Variants in DPH6 observed in about 807,000 individuals in gnomAD.
DPH6 encodes diphthine--ammonia ligase.
A neutral mutation model predicts 38.2 loss-of-function variants in DPH6; 33 were observed. The ratio of observed to expected loss-of-function variants is 0.86; its 90% CI spans 0.65 to 1.15. The LOEUF (loss-of-function observed/expected upper bound fraction) is 1.15. Among genes scored for constraint, DPH6 ranks in the 50% most tolerant of loss-of-function variants. The pLI is 0.00. For synonymous variants in DPH6, 108 were observed against 103.0 expected, an observed-to-expected ratio of 1.05 and a Z score of -0.30; for missense variants, 325 against 320.0, an observed-to-expected ratio of 1.02 and a Z score of -0.12.
chr15:35,302,718 C>A (rs1258575909), intron 3 of DPH6, among the ~76,000 whole-genome samples: 5 of 151,988 alleles, frequency 3.3e-5, no homozygotes, highest in African/African-American at 1.2e-4. Context: ...CAATTAAACC[C>A]TGTGGTCCCT....
At chr15:35,256,523 A>G (rs907011015) in intron 3 of DPH6, among the ~76,000 whole-genome samples, 3 of 152,258 alleles carry the variant, frequency 2.0e-5, no homozygotes, top group Admixed American at 1.3e-4. Flanking sequence ...GTACTAAAAT[A>G]TAATTTTTTT....
chr15:35,520,749 A>G, intron 3 of DPH6: 1 of 984,868 alleles, frequency 1.0e-6, no homozygotes, highest in Non-Finnish European at 1.2e-6. Flanking sequence ...ACCAAGTAGA[A>G]TATGTACAAT....
Position 35,433,285 on chromosome 15 carries a change from C to G in DPH6, c.505+17400G>C, listed in dbSNP as rs1020890352. 7.2e-5 allele frequency among the ~76,000 whole-genome samples: 11 copies of G among 152,166 alleles called. No homozygotes were observed. In the East Asian group the frequency reaches 2.1e-3, roughly 29 times the overall value. ...GGATGATAGCAATTGATATACACAC[C>G]AACAAGTATAGGCAAGGATACAAAC... On this transcript the variant is annotated intron_variant, in intron 5 of 8. Transcript: ENST00000256538.
At chr15:35,474,306 G>A (rs1265014458) in intron 3 of DPH6, among the ~76,000 whole-genome samples, 2 of 152,114 alleles carry the variant, frequency 1.3e-5, no homozygotes, top group African/African-American at 4.8e-5. Context: ...CTGAAGTGCT[G>A]TTATAACTAG....
intron 6 of DPH6, among the ~76,000 whole-genome samples, chr15:35,385,506 A>T (rs1008674588): frequency 4.6e-5 from 7 of 152,034 alleles, no homozygotes; most frequent in African/African-American, 1.4e-4. Context: ...CAGAAAACTA[A>T]CACAGGAACA....
chr15:35,511,780 T>A (rs2054776560), intron 3 of DPH6, among the ~76,000 whole-genome samples: 1 of 151,896 alleles, frequency 6.6e-6, no homozygotes, highest in Admixed American at 6.6e-5. Flanking sequence ...GAGAATTAGG[T>A]CTAAGAAACT....
intron 3 of DPH6, among the ~76,000 whole-genome samples, chr15:35,526,604 A>C (rs1412660216): frequency 2.0e-5 from 3 of 152,130 alleles, no homozygotes; most frequent in Non-Finnish European, 4.4e-5. Context: ...GCCTCTGAAG[A>C]AAGAACTGTT....
At chr15:35,538,210 C>T (rs1020607643) in intron 3 of DPH6, 64 bp downstream of exon 3, 54 of 1,295,040 alleles carry the variant, frequency 4.2e-5, no homozygotes, top group African/African-American at 1.0e-4. Flanking sequence ...CTAAATAATT[C>T]GGCAAATGTA....
At chr15:35,179,437 AAATAC>A in the DPH6 span, among the ~76,000 whole-genome samples, 1 of 152,124 alleles carries the variant, frequency 6.6e-6, no homozygotes, top group African/African-American at 2.4e-5. Context: ...AAAAAGAGTC[AAATAC>A]ATTACAGTAT....
intron 3 of DPH6, among the ~76,000 whole-genome samples, chr15:35,523,991 G>GT (rs903926318): frequency 3.1e-3 from 464 of 147,930 alleles, no homozygotes; most frequent in African/African-American, 0.01. Context: ...ACAGATCGTG[G>GT]TTTTTTTTTT....
At chr15:35,294,680 G>A (rs1027507382) in intron 3 of DPH6, among the ~76,000 whole-genome samples, 1 of 152,152 alleles carries the variant, frequency 6.6e-6, no homozygotes, top group Non-Finnish European at 1.5e-5. Flanking sequence ...AACAGGTATA[G>A]TCCCTTTTAC....
At chr15:35,522,746 C>T (rs138793244) in intron 3 of DPH6, among the ~76,000 whole-genome samples, 9 of 151,898 alleles carry the variant, frequency 5.9e-5, no homozygotes, top group Admixed American at 4.6e-4. Context: ...AGAAAAACAC[C>T]GAAAAATTAA....
chr15:35,288,662 G>A (rs1416729476), intron 3 of DPH6, among the ~76,000 whole-genome samples: 6 of 152,174 alleles, frequency 3.9e-5, no homozygotes, highest in Admixed American at 3.3e-4. Flanking sequence ...AAGATGCATC[G>A]CTCTATCAAC....
At chr15:35,496,586 A>ATATATATATATATATT (rs1221541298) in intron 3 of DPH6, among the ~76,000 whole-genome samples, 4 of 129,778 alleles carry the variant, frequency 3.1e-5, no homozygotes, top group Non-Finnish European at 6.4e-5. Context: ...ATATATATAT[A>ATATATATATATATATT]TATATCCTCT....
intron 6 of DPH6, among the ~76,000 whole-genome samples, chr15:35,409,318 A>G (rs1039064582): frequency 6.6e-6 from 1 of 151,926 alleles, no homozygotes; most frequent in South Asian, 2.1e-4. Context: ...ATGGAGAAGG[A>G]ATAAAATTAC....
chr15:35,237,283 T>G (rs529274879), intron 3 of DPH6: 1 of 1,533,822 alleles, frequency 6.5e-7, no homozygotes, highest in East Asian at 2.3e-5. Context: ...GTGTTATTGA[T>G]TGAATTCCAG....
chr15:35,160,263 A>G, the DPH6 span, among the ~76,000 whole-genome samples: 1 of 151,888 alleles, frequency 6.6e-6, no homozygotes, highest in Non-Finnish European at 1.5e-5. Flanking sequence ...CCTTGCAGCA[A>G]AATAAAACCT....
At chr15:35,147,897 G>A in the DPH6 span, among the ~76,000 whole-genome samples, 5 of 152,174 alleles carry the variant, frequency 3.3e-5, no homozygotes, top group Non-Finnish European at 7.3e-5. Context: ...AACGCCTTGG[G>A]CTGCAAACAA....
chr15:35,222,997 C>T (rs1317049462), intron 3 of DPH6, among the ~76,000 whole-genome samples: 1 of 152,130 alleles, frequency 6.6e-6, no homozygotes, highest in African/African-American at 2.4e-5. Flanking sequence ...GCGATTTTGG[C>T]GTCCAAAGAC....
Sources: gnomAD v4.1 joint callset for allele counts (sites outside exome capture counted in the v4.1 genomes callset) on GRCh38, gnomAD v4.1.1 for gene constraint, MANE v1.5 for transcripts, NCBI Gene and HGNC (gene_info 2026-07-23, HGNC 2026-07-21) for gene names.